CDH4: variants seen among roughly 807,000 people sequenced by gnomAD.
CDH4 encodes the protein cadherin-4.
In CDH4, 33 loss-of-function variants were observed where a neutral mutation model predicts 86.0. That is an observed-to-expected ratio of 0.38 (90% CI 0.29 to 0.51). The LOEUF (loss-of-function observed/expected upper bound fraction) is 0.51, where lower values mean the gene tolerates loss of function less well. Among genes scored for constraint, CDH4 ranks in the 20% least tolerant of loss-of-function variants. CDH4 has a pLI of 0.86. For missense variants in CDH4, 1,114 were observed against 1,307.4 expected (o/e 0.85, Z 2.28); for synonymous variants, 555 against 549.4 (o/e 1.01, Z -0.14).
rs755026495 is a variant in CDH4, at chr20:61,392,706, C to T, written c.169+137769C>T. Among the ~76,000 whole-genome samples the T allele has an allele frequency of 6.6e-6, 1 of 152,156 alleles. No homozygotes were observed. Among genetic ancestry groups the T allele is most frequent in the Non-Finnish European group, 1.5e-5 (1 of 68,032 alleles). ...CATCTTCTGATTCAAAAGACATTTT[C>T]CCGTGCTGTTAAATTTGAACCTTGG... On this transcript the variant is annotated intron_variant, in intron 2 of 15. Transcript: ENST00000614565. This position sits in a 1 kb window ranked among gnomAD's most constrained non-coding sequence, Gnocchi z 5.7.
At chr20:61,368,502 G>C (rs944402022) in intron 2 of CDH4, among the ~76,000 whole-genome samples, 5 of 152,096 alleles carry the variant, frequency 3.3e-5, no homozygotes, top group African/African-American at 1.2e-4. Context: ...CCAAAGCAAT[G>C]AACAATAAAT....
At chr20:61,296,246 T>C (rs2084351683) in intron 2 of CDH4, among the ~76,000 whole-genome samples, 2 of 114,834 alleles carry the variant, frequency 1.7e-5, no homozygotes, top group Admixed American at 2.1e-4. Context: ...TGTGTGTATG[T>C]GTGTGTGCAT....
At chr20:61,667,766 G>A (rs1354470596) in intron 2 of CDH4, among the ~76,000 whole-genome samples, 1 of 152,238 alleles carries the variant, frequency 6.6e-6, no homozygotes, top group Non-Finnish European at 1.5e-5. Context: ...CACTGACCTT[G>A]CTGCTGGGTC....
At chr20:61,893,641 GGATA>G (rs796492432) in intron 7 of CDH4, among the ~76,000 whole-genome samples, 10 of 150,546 alleles carry the variant, frequency 6.6e-5, no homozygotes, top group South Asian at 2.1e-4. Context: ...GTGAGTGGTT[GGATA>G]GATGGATGGA....
intron 4 of CDH4, among the ~76,000 whole-genome samples, chr20:61,781,537 G>A (rs1364398089): frequency 1.3e-5 from 2 of 152,232 alleles, no homozygotes; most frequent in African/African-American, 2.4e-5. Flanking sequence ...TGCTGAGGCA[G>A]GAGAAAGGGT....
chr20:61,748,711 T>C (rs1478943656), intron 3 of CDH4, among the ~76,000 whole-genome samples: 1 of 152,208 alleles, frequency 6.6e-6, no homozygotes, highest in Non-Finnish European at 1.5e-5. Context: ...ATAGAAGTTG[T>C]TTGCATTTTT....
At chr20:61,775,657 G>C (rs1217064019) in intron 4 of CDH4, among the ~76,000 whole-genome samples, 2 of 152,156 alleles carry the variant, frequency 1.3e-5, no homozygotes, top group Non-Finnish European at 2.9e-5. Flanking sequence ...AGAAAGGGCT[G>C]CCCAAGCCAC....
At chr20:61,916,386 T>C (rs1250176967) in intron 9 of CDH4, among the ~76,000 whole-genome samples, 1 of 152,220 alleles carries the variant, frequency 6.6e-6, no homozygotes, top group Non-Finnish European at 1.5e-5. Context: ...CATAAAATGA[T>C]GCAAATTGTG....
chr20:61,315,592 G>A (rs776537274), intron 2 of CDH4, among the ~76,000 whole-genome samples: 8 of 152,218 alleles, frequency 5.3e-5, no homozygotes, highest in Non-Finnish European at 1.0e-4. Context: ...GGGGAGAAAC[G>A]AGGAGTGTGC....
At chr20:61,619,893 C>T (rs563970176) in intron 2 of CDH4, among the ~76,000 whole-genome samples, 19 of 152,356 alleles carry the variant, frequency 1.2e-4, no homozygotes, top group South Asian at 6.2e-4. Context: ...TGGGGCCTGA[C>T]GGCCGAGCAT....
rs964283040 is a variant in CDH4 at position 61,401,757 on chromosome 20, G to C, written c.169+146820G>C. 2.0e-5 allele frequency among the ~76,000 whole-genome samples: 3 copies of C among 152,206 alleles called. 1 individual carries two copies. The highest frequency in any genetic ancestry group is 2.4e-5 in the African/African-American group (1 of 41,456). ...CATCTGTAGATTCTTTGGCCAGGGA[G>C]TAAATACAATGACTAGGCCTGGGTT... On this transcript the variant is annotated intron_variant, in intron 2 of 15. Transcript: ENST00000614565.
rs2088772776 is a variant in CDH4, at chr20:61,771,219, A to G, written c.397-1784A>G. On this transcript the variant is annotated intron_variant, in intron 3 of 15. Coordinates refer to ENST00000614565, the MANE Select transcript of CDH4 (RefSeq NM_001794.5). ...GAGATGGGGTTTCACCATGTTGGCCAGGCTGGTCTCGAACTCCTGACCTCA... is the reference window on the plus strand; with the variant it reads ...GAGATGGGGTTTCACCATGTTGGCCGGGCTGGTCTCGAACTCCTGACCTCA... Among the ~76,000 whole-genome samples, 3 of 151,464 alleles carry G rather than the reference A, an allele frequency of 2.0e-5. No individual in the cohort carries two copies. In the South Asian group the frequency reaches 6.3e-4, roughly 32 times the overall value.
chr20:61,636,066 G>A (rs533619569), intron 2 of CDH4, among the ~76,000 whole-genome samples: 48 of 152,318 alleles, frequency 3.2e-4, no homozygotes, highest in African/African-American at 1.1e-3. Flanking sequence ...AATGCGGGGG[G>A]CTCCACACGC....
At chr20:61,336,809 C>A (rs1419111229) in intron 2 of CDH4, among the ~76,000 whole-genome samples, 1 of 152,160 alleles carries the variant, frequency 6.6e-6, no homozygotes, top group African/African-American at 2.4e-5. Flanking sequence ...CTGGACTTTA[C>A]AAGGAAGGAC....
chr20:61,413,379 C>T (rs941026955), intron 2 of CDH4, among the ~76,000 whole-genome samples: 4 of 152,140 alleles, frequency 2.6e-5, no homozygotes, highest in African/African-American at 9.7e-5. Flanking sequence ...ACCAGCTTGC[C>T]CTGTTCCAAG....
rs1445042325 is a variant in CDH4, at chr20:61,501,111, C to T, written c.170-242452C>T. ...TTCCAAGGTCTTCTCTGGTTAAGAC[C>T]AGAAACATGTTTCTGTAGAGCCCAA... On this transcript the variant is annotated intron_variant, in intron 2 of 15. Transcript: ENST00000614565. The surrounding 1 kb of genome is among the most constrained non-coding windows in gnomAD (Gnocchi z 4.2). Among the ~76,000 whole-genome samples the T allele has an allele frequency of 6.6e-6, 1 of 152,114 alleles. No individual in the cohort carries two copies. The highest frequency in any genetic ancestry group is 1.5e-5 in the Non-Finnish European group (1 of 68,012).
At chr20:61,313,210 T>C (rs1231592502) in intron 2 of CDH4, among the ~76,000 whole-genome samples, 1 of 152,224 alleles carries the variant, frequency 6.6e-6, no homozygotes, top group African/African-American at 2.4e-5. Context: ...GGGCCTGGCT[T>C]AGCCCGAGTG....
intron 4 of CDH4, among the ~76,000 whole-genome samples, chr20:61,843,972 C>T (rs745890222): frequency 1.3e-5 from 2 of 152,230 alleles, no homozygotes; most frequent in Non-Finnish European, 2.9e-5. Flanking sequence ...ACCAAGTCCC[C>T]CTCCTCATTA....
chr20:61,899,194 A>G (rs956930773), intron 8 of CDH4, among the ~76,000 whole-genome samples: 2 of 151,762 alleles, frequency 1.3e-5, no homozygotes, highest in African/African-American at 4.8e-5. Flanking sequence ...AATCCCAGCT[A>G]CTCAAGAGGC....
Sources: gnomAD v4.1 joint callset for allele counts (sites outside exome capture counted in the v4.1 genomes callset) on GRCh38, gnomAD v4.1.1 for gene constraint, Gnocchi (gnomAD v3.1) non-coding constraint, MANE v1.5 for transcripts, NCBI Gene and HGNC (gene_info 2026-07-23, HGNC 2026-07-21) for gene names.